SLC22A23: variants seen among roughly 807,000 people sequenced by gnomAD.
SLC22A23 encodes ion transporter protein.
In SLC22A23, 26 loss-of-function variants were observed where a neutral mutation model predicts 61.0. The observed-to-expected ratio is 0.43, with a 90% CI of 0.31 to 0.59. The LOEUF (loss-of-function observed/expected upper bound fraction) is 0.59. SLC22A23 is among the 20% of genes least tolerant of loss of function. SLC22A23 has a pLI of 0.11. For synonymous variants in SLC22A23, 430 were observed against 413.9 expected (o/e 1.04, Z -0.47); for missense variants, 796 against 934.7 (o/e 0.85, Z 1.94).
intron 4 of SLC22A23, among the ~76,000 whole-genome samples, chr6:3,314,856 G>C (rs942729598): frequency 3.3e-5 from 5 of 152,100 alleles, no homozygotes; most frequent in Admixed American, 6.6e-5. Context: ...CTCCGCGCTA[G>C]GGTTTACCTC....
intron 3 of SLC22A23, among the ~76,000 whole-genome samples, chr6:3,337,503 T>C (rs1763925328): frequency 6.6e-6 from 1 of 152,056 alleles, no homozygotes; most frequent in Non-Finnish European, 1.5e-5. Context: ...AACATTCTTA[T>C]TTGAAGCTTG....
At position 3,272,072 on chromosome 6, in the gene SLC22A23, T is replaced by A. The variant is rs1374728218; in HGVS notation, c.*983A>T. ...ATCCAAGCTGGTGATCTTCATGGTG[T>A]GTGCTCAAGGTGTGGGTGACGGGCG... On this transcript the variant is annotated 3_prime_UTR_variant, in exon 10 of 10. Coordinates refer to ENST00000406686, the MANE Select transcript of SLC22A23 (RefSeq NM_015482.2). 3 of 152,534 alleles carry A rather than the reference T, an allele frequency of 2.0e-5. No individual in the cohort carries two copies. Among genetic ancestry groups the A allele is most frequent in the Non-Finnish European group, 4.4e-5 (3 of 68,152 alleles). 9.4% of individuals were successfully genotyped at this position (152,534 alleles called of 1,614,324 possible).
At chr6:3,429,208 C>T (rs182185275) in intron 1 of SLC22A23, among the ~76,000 whole-genome samples, 3 of 152,266 alleles carry the variant, frequency 2.0e-5, no homozygotes, top group Admixed American at 1.3e-4. Flanking sequence ...GGGGGATATG[C>T]GTGCACATCA....
chr6:3,285,381 A>C (rs1446169633), intron 7 of SLC22A23, among the ~76,000 whole-genome samples: 1 of 152,262 alleles, frequency 6.6e-6, no homozygotes, highest in Non-Finnish European at 1.5e-5. Context: ...GTGAGACCCC[A>C]GCAGGTGCAA....
At chr6:3,376,300 C>T (rs890875872) in intron 3 of SLC22A23, among the ~76,000 whole-genome samples, 2 of 152,164 alleles carry the variant, frequency 1.3e-5, no homozygotes, top group Admixed American at 6.5e-5. Context: ...TGTGCCCCAG[C>T]CAAAGGAAAC....
rs150045542 is a variant in SLC22A23 at position 3,301,444 on chromosome 6, G to A, written c.1083-3226C>T. 3.3e-3 allele frequency among the ~76,000 whole-genome samples: 497 copies of A among 152,294 alleles called. 3 individuals are homozygous for A. Among genetic ancestry groups the A allele is most frequent in the African/African-American group, 0.011 (462 of 41,546 alleles). On this transcript the variant is annotated intron_variant, in intron 4 of 9. Transcript: ENST00000406686. ...TATATAAATACGGTAATATGACAGCGCAAGCGATTTCGCAGGTAGTCTCTA... is the reference window on the plus strand; with the variant it reads ...TATATAAATACGGTAATATGACAGCACAAGCGATTTCGCAGGTAGTCTCTA...
chr6:3,296,763 G>T (rs4305775), intron 5 of SLC22A23, among the ~76,000 whole-genome samples: 131,575 of 152,098 alleles, frequency 0.87, 57,260 homozygotes, highest in African/African-American at 0.97. Flanking sequence ...GACTCTCACG[G>T]CCCTGCACAA....
chr6:3,341,451 G>C (rs962982552), intron 3 of SLC22A23, among the ~76,000 whole-genome samples: 1 of 152,140 alleles, frequency 6.6e-6, no homozygotes, highest in Non-Finnish European at 1.5e-5. Context: ...TGAGGTGGAT[G>C]GGTTTTGTTC....
Position 3,332,720 on chromosome 6 carries a change from A to G in SLC22A23, c.914-8718T>C, listed in dbSNP as rs76667353. Among the ~76,000 whole-genome samples, 12 of 152,336 alleles carry G rather than the reference A, an allele frequency of 7.9e-5. No homozygotes were observed. In the East Asian group the frequency reaches 2.1e-3, roughly 27 times the overall value. ...AACAATAATTCTTTAATATTATTCA[A>G]TATCTAGTCTGTGTCCAACCTACTC... is the stretch of plus-strand genomic sequence containing the variant. On this transcript the variant is annotated intron_variant, in intron 3 of 9. Transcript: ENST00000406686.
chr6:3,316,638 G>A (rs149047956), intron 4 of SLC22A23, among the ~76,000 whole-genome samples: 30 of 152,276 alleles, frequency 2.0e-4, no homozygotes, highest in Middle Eastern at 6.8e-3. Flanking sequence ...TAGAGCAGAC[G>A]AGCACGTTGT....
chr6:3,272,937 G>C lies in SLC22A23; in HGVS notation c.*118C>G, dbSNP rs557599665. On this transcript the variant is annotated 3_prime_UTR_variant, in exon 10 of 10. Coordinates refer to ENST00000406686, the MANE Select transcript of SLC22A23 (RefSeq NM_015482.2). ...AAGACAGGATTTCCCCACACCAGTT[G>C]AGAGGCTCAGCTTGGCTGAGGCAGC... The C allele has an allele frequency of 4.4e-6, 4 of 913,190 alleles. No homozygotes were observed. The East Asian group carries it at 1.0e-4, about 23-fold the overall frequency. The allele number at this position is 913,190 out of a possible 1,614,324, so 56.6% of individuals were successfully genotyped here. A position where few individuals can be genotyped will look rare whatever the true frequency, so the allele number is the denominator to read the frequency against.
At chr6:3,289,678 G>A in intron 6 of SLC22A23, 86 bp downstream of exon 6, 2 of 1,067,706 alleles carry the variant, frequency 1.9e-6, no homozygotes, top group South Asian at 1.5e-5. Context: ...TCAGCGGGGT[G>A]GGGAGCAGGG....
At chr6:3,361,343 A>G (rs1765435190) in intron 3 of SLC22A23, among the ~76,000 whole-genome samples, 1 of 148,076 alleles carries the variant, frequency 6.8e-6, no homozygotes, top group Non-Finnish European at 1.5e-5. Context: ...ATCTGTGGCC[A>G]TGACCGTTCA....
intron 1 of SLC22A23, chr6:3,432,243 G>A (rs1048537041): frequency 6.1e-5 from 60 of 985,292 alleles, no homozygotes; most frequent in East Asian, 2.3e-4. Context: ...GAGAGCCTGC[G>A]GCAGGAAAGC....
intron 5 of SLC22A23, among the ~76,000 whole-genome samples, chr6:3,294,629 C>CG (rs2127347176): frequency 6.6e-6 from 1 of 152,278 alleles, no homozygotes; most frequent in South Asian, 2.1e-4. Context: ...TGGGAACCAG[C>CG]GGGCCTTCTA....
chr6:3,444,757 G>T (rs187551258), intron 1 of SLC22A23: 13 of 972,638 alleles, frequency 1.3e-5, no homozygotes, highest in East Asian at 1.1e-4. Flanking sequence ...CCTGTAGAGG[G>T]TGCTTTTTGG....
In SLC22A23 at chr6:3,456,520, G is replaced by C; in HGVS notation, c.40C>G (p.Pro14Ala). The C allele has an allele frequency of 1.0e-6, 1 of 990,248 alleles. No homozygotes were observed. The highest frequency in any genetic ancestry group is 1.2e-6 in the Non-Finnish European group (1 of 835,048). The allele number at this position is 990,248 out of a possible 1,614,324, so 61.3% of individuals were successfully genotyped here. Reference sequence around the variant, plus strand: ...TCGGCCGGGGCCGGCTGCCGCCCAGGCCCGCCGCCCGCCGCCTCGCGCCGC... The same window carrying C: ...TCGGCCGGGGCCGGCTGCCGCCCAGCCCCGCCGCCCGCCGCCTCGCGCCGC... ...DRRREAAGGG[P>A]GRQPAPAEEN... The change falls in exon 1 of 10, where the codon CCT (proline) becomes GCT (alanine). Residue 14 changes from proline (P) to alanine (A), a missense_variant. Transcript: ENST00000406686. This position sits in a 1 kb window ranked among gnomAD's most constrained non-coding sequence, Gnocchi z 7.1.
At position 3,286,294 on chromosome 6, in the gene SLC22A23, G is replaced by C. The variant is rs1417201923; in HGVS notation, c.1546+565C>G. Among the ~76,000 whole-genome samples the C allele has an allele frequency of 9.9e-5, 15 of 152,110 alleles. No individual in the cohort carries two copies. Among genetic ancestry groups the C allele is most frequent in the African/African-American group, 3.4e-4 (14 of 41,502 alleles). On this transcript the variant is annotated intron_variant, in intron 7 of 9. Coordinates refer to ENST00000406686, the MANE Select transcript of SLC22A23 (RefSeq NM_015482.2). The surrounding 1 kb of genome is among the most constrained non-coding windows in gnomAD (Gnocchi z 4.2). ...TTTTTTGTATATTTAGTAGAGATGG[G>C]GTTTCACTACATTGGTCAGGCTGGT...
At chr6:3,376,521 C>T (rs560687789) in intron 3 of SLC22A23, among the ~76,000 whole-genome samples, 4 of 152,314 alleles carry the variant, frequency 2.6e-5, no homozygotes, top group African/African-American at 9.6e-5. Flanking sequence ...AAATACCTCC[C>T]TCTCGAGTCC....
Sources: gnomAD v4.1 joint callset for allele counts (sites outside exome capture counted in the v4.1 genomes callset) on GRCh38, gnomAD v4.1.1 for gene constraint, Gnocchi (gnomAD v3.1) non-coding constraint, MANE v1.5 for transcripts, NCBI Gene and HGNC (gene_info 2026-07-23, HGNC 2026-07-21) for gene names.